The following CTNNA3 variants were observed in gnomAD, a reference collection of about 807,000 sequenced individuals.
The protein encoded by CTNNA3 is catenin alpha 3.
A neutral mutation model predicts 95.7 loss-of-function variants in CTNNA3; 76 were observed. The observed-to-expected ratio is 0.79, with a 90% confidence interval of 0.66 to 0.96. The LOEUF is 0.96. Among genes scored for constraint, CTNNA3 ranks in the 40% least tolerant of loss-of-function variants. CTNNA3 has a pLI of 0.00. For missense variants in CTNNA3, 1,191 were observed against 1,089.8 expected (o/e 1.09, Z -1.31); for synonymous variants, 431 against 374.4 (o/e 1.15, Z -1.74).
intron 6 of CTNNA3, among the ~76,000 whole-genome samples, chr10:67,218,484 C>G (rs938072227): frequency 1.4e-4 from 22 of 152,156 alleles, no homozygotes; most frequent in Non-Finnish European, 4.4e-5. Context: ...TGCTGATTGG[C>G]CTAGGCTTTG....
intron 3 of CTNNA3, among the ~76,000 whole-genome samples, chr10:67,540,475 TAA>T (rs926702641): frequency 1.1e-4 from 16 of 151,970 alleles, no homozygotes; most frequent in South Asian, 2.1e-4. Flanking sequence ...GTAAAAATTT[TAA>T]AAGTCTCCAA....
intron 2 of CTNNA3, among the ~76,000 whole-genome samples, chr10:67,626,763 G>A (rs1185426464): frequency 2.0e-5 from 3 of 150,498 alleles, no homozygotes; most frequent in Admixed American, 6.6e-5. Context: ...GTATACGTGT[G>A]TGTTGTATGT....
chr10:67,194,769 T>C (rs553818211), intron 6 of CTNNA3, among the ~76,000 whole-genome samples: 15 of 151,984 alleles, frequency 9.9e-5, no homozygotes, highest in East Asian at 3.9e-4. Flanking sequence ...TTGGGGGATA[T>C]TGATAATGGG....
chr10:67,693,039 G>C (rs777660447), intron 1 of CTNNA3, among the ~76,000 whole-genome samples: 2 of 152,190 alleles, frequency 1.3e-5, no homozygotes, highest in Non-Finnish European at 2.9e-5. Context: ...GAGGTGGGGA[G>C]GGTGCCAAAT....
At chr10:66,189,604 A>ATT (rs200433012) in intron 13 of CTNNA3, among the ~76,000 whole-genome samples, 6,484 of 109,606 alleles carry the variant, frequency 0.059, 202 homozygotes, top group African/African-American at 0.088. Context: ...ATAGATTTAT[A>ATT]TATATATATA....
At chr10:66,613,205 C>T (rs1210621381) in intron 10 of CTNNA3, among the ~76,000 whole-genome samples, 6 of 152,184 alleles carry the variant, frequency 3.9e-5, no homozygotes, top group African/African-American at 1.4e-4. Flanking sequence ...TTTTTTACCC[C>T]ACTTTCCCAC....
At chr10:66,298,420 T>C (rs1329261036) in intron 12 of CTNNA3, among the ~76,000 whole-genome samples, 5 of 152,162 alleles carry the variant, frequency 3.3e-5, no homozygotes, top group Non-Finnish European at 7.3e-5. Flanking sequence ...ACCCAATACA[T>C]TGTAATGTGC....
intron 13 of CTNNA3, among the ~76,000 whole-genome samples, chr10:66,136,803 A>G (rs1175740535): frequency 6.6e-6 from 1 of 152,102 alleles, no homozygotes; most frequent in African/African-American, 2.4e-5. Context: ...CATTTGCTTA[A>G]TACTTATTAT....
intron 5 of CTNNA3, among the ~76,000 whole-genome samples, chr10:67,429,388 G>C (rs1187498078): frequency 6.6e-6 from 1 of 151,920 alleles, no homozygotes; most frequent in African/African-American, 2.4e-5. Flanking sequence ...TAATAGTGGT[G>C]GTGCAATGCT....
intron 7 of CTNNA3, among the ~76,000 whole-genome samples, chr10:66,872,393 G>T (rs533825390): frequency 6.6e-6 from 1 of 152,086 alleles, no homozygotes; most frequent in African/African-American, 2.4e-5. Flanking sequence ...TTTTCGCTGG[G>T]TTCAGTGGCT....
intron 11 of CTNNA3, among the ~76,000 whole-genome samples, chr10:66,466,206 G>T (rs1838904822): frequency 6.6e-6 from 1 of 151,976 alleles, no homozygotes; most frequent in South Asian, 2.1e-4. Flanking sequence ...TCTTCCCTGG[G>T]TCTTAGGCTA....
At chr10:67,726,821 T>A (rs1841233144) in intron 1 of CTNNA3, among the ~76,000 whole-genome samples, 1 of 91,242 alleles carries the variant, frequency 1.1e-5, no homozygotes, top group Non-Finnish European at 2.1e-5. Context: ...ATTATAGATA[T>A]CTATGTATCA....
At chr10:67,454,567 G>T (rs1847104258) in intron 5 of CTNNA3, among the ~76,000 whole-genome samples, 1 of 152,074 alleles carries the variant, frequency 6.6e-6, no homozygotes, top group African/African-American at 2.4e-5. Context: ...GGAAAATGCT[G>T]GCCTCGCATC....
intron 5 of CTNNA3, among the ~76,000 whole-genome samples, chr10:67,319,107 G>T (rs1353737416): frequency 6.6e-6 from 1 of 152,170 alleles, no homozygotes; most frequent in African/African-American, 2.4e-5. Flanking sequence ...TGTGTGATCA[G>T]CCCCCAATAA....
chr10:66,279,261 T>C (rs945368538), intron 13 of CTNNA3, among the ~76,000 whole-genome samples: 27 of 152,028 alleles, frequency 1.8e-4, no homozygotes, highest in Non-Finnish European at 3.8e-4. Context: ...TTCAGGCCTA[T>C]CAGATATTAA....
chr10:67,204,959 G>A (rs1863824303), intron 6 of CTNNA3, among the ~76,000 whole-genome samples: 1 of 152,182 alleles, frequency 6.6e-6, no homozygotes, highest in Non-Finnish European at 1.5e-5. Flanking sequence ...CTCTGTAATA[G>A]TGATGTTATC....
At chr10:66,461,938 G>A (rs1172762220) in intron 11 of CTNNA3, among the ~76,000 whole-genome samples, 1 of 150,978 alleles carries the variant, frequency 6.6e-6, no homozygotes, top group Admixed American at 6.6e-5. Flanking sequence ...TCAGCCTCCT[G>A]AGTAGCTGGG....
At chr10:67,314,136 T>C (rs1357021842) in intron 5 of CTNNA3, among the ~76,000 whole-genome samples, 2 of 152,240 alleles carry the variant, frequency 1.3e-5, no homozygotes, top group Non-Finnish European at 2.9e-5. Context: ...AGACCGTTAG[T>C]TCCTCCAAGT....
chr10:67,026,935 G>A (rs1192203364), intron 7 of CTNNA3, among the ~76,000 whole-genome samples: 1 of 152,178 alleles, frequency 6.6e-6, no homozygotes, highest in Non-Finnish European at 1.5e-5. Context: ...ATTTAGAAGA[G>A]GGATCATGCC....
Sources: gnomAD v4.1 joint callset for allele counts (sites outside exome capture counted in the v4.1 genomes callset) on GRCh38, gnomAD v4.1.1 for gene constraint, MANE v1.5 for transcripts, NCBI Gene and HGNC (gene_info 2026-07-23, HGNC 2026-07-21) for gene names.